LRCH2: variants seen among roughly 807,000 people sequenced by gnomAD.
The protein encoded by LRCH2 is leucine-rich repeat and calponin homology domain-containing protein 2.
A neutral mutation model predicts 68.9 loss-of-function variants in LRCH2; 38 were observed. That is an observed-to-expected ratio of 0.55 (90% CI 0.43 to 0.72). LRCH2 has a LOEUF of 0.72. LRCH2 is among the 30% of genes least tolerant of loss of function. LRCH2 has a pLI of 0.00. For missense variants in LRCH2, 528 were observed against 572.9 expected (o/e 0.92, Z 0.80); for synonymous variants, 191 against 208.1 (o/e 0.92, Z 0.71).
intron 14 of LRCH2, among the ~76,000 whole-genome samples, chrX:115,131,472 A>G (rs1418048137): frequency 6.6e-4 from 74 of 111,635 alleles, no homozygotes; most frequent in Non-Finnish European, 4.1e-4. Context: ...TCCATGGAAT[A>G]TATGTGCCAC....
chrX:115,208,236 T>G (rs1556568911), intron 1 of LRCH2, among the ~76,000 whole-genome samples: 3 of 112,363 alleles, frequency 2.7e-5, no homozygotes, highest in African/African-American at 9.7e-5. Context: ...TGTAAATATT[T>G]TTTAATTACA....
At chrX:115,163,651 CA>C in intron 11 of LRCH2, 24 bp downstream of exon 11, 3 of 1,078,341 alleles carry the variant, frequency 2.8e-6, no homozygotes, top group Non-Finnish European at 3.8e-6. Context: ...TTTGCCAATT[CA>C]AATCTCATTA....
At chrX:115,144,008 A>G (rs2072361218) in intron 14 of LRCH2, among the ~76,000 whole-genome samples, 1 of 111,951 alleles carries the variant, frequency 8.9e-6, no homozygotes, top group Non-Finnish European at 1.9e-5. Flanking sequence ...AACTCACACG[A>G]TTCACAAGTG....
Position 115,233,919 on chromosome X carries a change from G to A in LRCH2, c.123C>T (p.Gly41=). 1 of 1,162,726 alleles carries A rather than the reference G, an allele frequency of 8.6e-7. No individual in the cohort carries two copies. Among genetic ancestry groups the A allele is most frequent in the Non-Finnish European group, 1.1e-6 (1 of 871,051 alleles). ...TGGGGACCACCAGGGTCCCGCCGCC[G>A]CCGCCGCCTCCCCCTCCAGCCCCGC... ...GGGGAGGGGG[G]GGGTLVVPIP... is the part of the protein sequence containing the mutation. Residue 41 remains glycine, a synonymous_variant, in exon 1 of 21, where the codon GGC becomes GGT. Coordinates refer to ENST00000317135, the MANE Select transcript of LRCH2 (RefSeq NM_020871.4).
At position 115,223,845 on chromosome X, in the gene LRCH2, G is replaced by A. The variant is rs781805587; in HGVS notation, c.349+9848C>T. 4.6e-5 allele frequency among the ~76,000 whole-genome samples: 5 copies of A among 109,060 alleles called. No individual in the cohort carries two copies. In the South Asian group the frequency reaches 2.0e-3, roughly 44 times the overall value. The allele number at this position is 109,060 out of a possible 115,157, so 94.7% of individuals were successfully genotyped here. A position where few individuals can be genotyped will look rare whatever the true frequency, so the allele number is the denominator to read the frequency against. On this transcript the variant is annotated intron_variant, in intron 1 of 20. Coordinates refer to ENST00000317135, the MANE Select transcript of LRCH2 (RefSeq NM_020871.4). The stretch of plus-strand genomic sequence containing the variant: ...GGAGGCTGAGGCAGGAGAATCGCTT[G>A]AGCCCAGGAGGCGGAGGTTGCAGTG...
chrX:115,220,746 C>T (rs782747603), intron 1 of LRCH2, among the ~76,000 whole-genome samples: 1 of 111,603 alleles, frequency 9.0e-6, no homozygotes, highest in East Asian at 2.8e-4. Context: ...ATCCTCAAAA[C>T]ATTTTGTAAT....
chrX:115,136,797 T>G (rs1230328082), intron 14 of LRCH2, among the ~76,000 whole-genome samples: 1 of 112,414 alleles, frequency 8.9e-6, no homozygotes, highest in African/African-American at 3.2e-5. Context: ...AAACTTTATC[T>G]TATTGGTAAT....
intron 1 of LRCH2, among the ~76,000 whole-genome samples, chrX:115,204,301 C>T (rs2072950697): frequency 1.8e-5 from 2 of 113,383 alleles, no homozygotes; most frequent in South Asian, 3.6e-4. Flanking sequence ...GAAGGGCTGT[C>T]ATGAAGATCT....
At chrX:115,159,894 T>G (rs2072505048) in intron 11 of LRCH2, among the ~76,000 whole-genome samples, 1 of 112,013 alleles carries the variant, frequency 8.9e-6, no homozygotes, top group East Asian at 2.8e-4. Flanking sequence ...TGATGGTTTA[T>G]TTGCTGATCT....
intron 14 of LRCH2, among the ~76,000 whole-genome samples, chrX:115,133,804 T>C (rs1203895201): frequency 9.0e-6 from 1 of 111,563 alleles, no homozygotes; most frequent in East Asian, 2.8e-4. Context: ...TGACACACAA[T>C]AATATTGTAA....
Position 115,149,846 on chromosome X carries a change from A to T in LRCH2, c.1676T>A (p.Ile559Asn). Residue 559 changes from isoleucine (I) to asparagine (N), a missense_variant, in exon 14 of 21, where the codon ATT becomes AAT. Coordinates refer to ENST00000317135, the MANE Select transcript of LRCH2 (RefSeq NM_020871.4). ...QSEERRRSKQ[I>N]RKEYFKYKSM... ...GAGTACCTTGAAATATTCTTTTCTAATCTGTTTGCTCCGCCTCCTTTCTTC... is the reference window on the plus strand; with the variant it reads ...GAGTACCTTGAAATATTCTTTTCTATTCTGTTTGCTCCGCCTCCTTTCTTC... The T allele has an allele frequency of 8.4e-7, 1 of 1,183,997 alleles. No homozygotes were observed. Among genetic ancestry groups the T allele is most frequent in the Non-Finnish European group, 1.1e-6 (1 of 874,289 alleles).
intron 20 of LRCH2, among the ~76,000 whole-genome samples, chrX:115,114,305 C>T (rs956732512): frequency 2.2e-4 from 25 of 111,201 alleles, no homozygotes; most frequent in African/African-American, 8.1e-4. Context: ...ATTGCCTCAT[C>T]TCCATCTTCA....
intron 14 of LRCH2, chrX:115,139,014 T>C (rs1231448797): frequency 2.7e-5 from 3 of 112,159 alleles, no homozygotes; most frequent in Admixed American, 9.5e-5. Flanking sequence ...CATATACATA[T>C]ACATATACAT....
intron 5 of LRCH2, among the ~76,000 whole-genome samples, chrX:115,176,389 G>A (rs1361284274): frequency 9.0e-6 from 1 of 111,425 alleles, no homozygotes; most frequent in East Asian, 2.8e-4. Context: ...ATCTCATTGT[G>A]GTTGTGATTT....
At chrX:115,199,297 C>T (rs1002503024) in intron 1 of LRCH2, among the ~76,000 whole-genome samples, 2 of 112,152 alleles carry the variant, frequency 1.8e-5, no homozygotes, top group Non-Finnish European at 3.8e-5. Flanking sequence ...CAAACCCTCA[C>T]ATATATCAAT....
rs1250000946 is a variant in LRCH2, at chrX:115,127,027, T to C, written c.1741-134A>G. ...TACTAAAGATATGCCATCCAGCACA[T>C]TGCCACTCTACATGTGGTCTGTAAA... On this transcript the variant is annotated intron_variant, in intron 15 of 20. Coordinates refer to ENST00000317135, the MANE Select transcript of LRCH2 (RefSeq NM_020871.4). The C allele has an allele frequency of 6.6e-5, 25 of 381,262 alleles. No individual in the cohort carries two copies. The East Asian group carries it at 9.4e-4, about 14-fold the overall frequency. 31.4% of individuals were successfully genotyped at this position (381,262 alleles called of 1,213,427 possible). A position where few individuals can be genotyped will look rare whatever the true frequency, so the allele number is the denominator to read the frequency against.
chrX:115,174,838 G>GT (rs782080966), intron 5 of LRCH2, among the ~76,000 whole-genome samples: 276 of 111,628 alleles, frequency 2.5e-3, no homozygotes, highest in African/African-American at 8.3e-3. Context: ...CTCTTAAGTG[G>GT]TAAGTATCCC....
chrX:115,230,745 G>A (rs782062280), intron 1 of LRCH2, among the ~76,000 whole-genome samples: 1 of 111,783 alleles, frequency 8.9e-6, no homozygotes, highest in East Asian at 2.8e-4. Context: ...TTCTTGACAA[G>A]TGGCTTTAAG....
intron 1 of LRCH2, chrX:115,190,160 G>A (rs1421688178): frequency 6.9e-6 from 8 of 1,165,127 alleles, no homozygotes; most frequent in African/African-American, 3.5e-5. Context: ...CCGCGGGTCC[G>A]GGAGCCACTG....
Sources: allele counts gnomAD v4.1 joint callset (sites outside exome capture counted in the v4.1 genomes callset), GRCh38; gene constraint gnomAD v4.1.1; transcripts MANE v1.5; gene names NCBI Gene and HGNC (gene_info 2026-07-23, HGNC 2026-07-21).